Variants in MTR observed in about 807,000 individuals in gnomAD.
MTR encodes 5-methyltetrahydrofolate-homocysteine methyltransferase.
Under a neutral mutation model 154.8 loss-of-function variants are expected in MTR, and 84 were observed. The observed-to-expected ratio is 0.54, with a 90% CI of 0.45 to 0.65. MTR has a LOEUF of 0.65. Ranked by LOEUF, MTR falls within the 30% of genes least tolerant of loss-of-function variation. The pLI, the probability that MTR is intolerant of heterozygous loss-of-function variation, is 0.00. For missense variants in MTR, 1,275 were observed against 1,570.2 expected, an observed-to-expected ratio of 0.81 and a Z score of 3.18; for synonymous variants, 554 against 553.9, an observed-to-expected ratio of 1.00 and a Z score of 0.00.
At chr1:236,853,316 A>G (rs1055722393) in intron 18 of MTR, among the ~76,000 whole-genome samples, 1 of 152,184 alleles carries the variant, frequency 6.6e-6, no homozygotes, top group Non-Finnish European at 1.5e-5. Context: ...GTTTCTTTAA[A>G]TTTATTGTAA....
intron 11 of MTR, among the ~76,000 whole-genome samples, 185 bp downstream of exon 11, chr1:236,827,081 T>TA (rs1033133873): frequency 4.6e-5 from 7 of 152,138 alleles, no homozygotes; most frequent in Non-Finnish European, 8.8e-5. Context: ...GCGACTAAGG[T>TA]AAAATGTCAT....
intron 23 of MTR, among the ~76,000 whole-genome samples, chr1:236,874,136 G>A (rs185554677): frequency 5.3e-5 from 8 of 152,190 alleles, no homozygotes; most frequent in Non-Finnish European, 1.2e-4. Context: ...ATTCAAGTCC[G>A]GGAAATCATG....
chr1:236,903,358 A>C lies in MTR; in HGVS notation c.*5714A>C, dbSNP rs1667003420. ...TGCTATTTTGACTAGTCTGAGTGAAAAGTGAGGATTTAAATGAAGTAACCC... is the reference window on the plus strand; with the variant it reads ...TGCTATTTTGACTAGTCTGAGTGAACAGTGAGGATTTAAATGAAGTAACCC... On this transcript the variant is annotated 3_prime_UTR_variant, in exon 33 of 33. Transcript: ENST00000366577. The C allele has an allele frequency of 6.6e-6, 1 of 152,194 alleles. No individual in the cohort carries two copies. Among genetic ancestry groups the C allele is most frequent in the Non-Finnish European group, 1.5e-5 (1 of 68,032 alleles). The allele number at this position is 152,194 out of a possible 1,614,324, so 9.4% of individuals were successfully genotyped here.
Position 236,895,566 on chromosome 1 carries a change from C to T in MTR, c.3598+16C>T. 6.4e-7 allele frequency: 1 copy of T among 1,555,836 alleles called. No individual in the cohort carries two copies. The highest frequency in any genetic ancestry group is 8.7e-7 in the Non-Finnish European group (1 of 1,149,196). On this transcript the variant is annotated intron_variant, in intron 31 of 32. Transcript: ENST00000366577. ...CAGTCTACAGGTAGGAGCCAGGAGG[C>T]TGCGGGTTCCTGTCTTCCTTCTTCA...
chr1:236,827,472 T>TC (rs796399287), intron 11 of MTR, among the ~76,000 whole-genome samples: 104 of 152,272 alleles, frequency 6.8e-4, no homozygotes, highest in African/African-American at 2.3e-3. Flanking sequence ...CCTCAACTTT[T>TC]CCCCCTGGAT....
chr1:236,798,689 A>G (rs149072621), intron 1 of MTR, among the ~76,000 whole-genome samples: 97 of 152,332 alleles, frequency 6.4e-4, no homozygotes, highest in African/African-American at 1.9e-3. Context: ...CTGCAAAACT[A>G]TATTCTTATA....
chr1:236,829,418 A>G, intron 12 of MTR, 150 bp downstream of exon 12: 1 of 760,996 alleles, frequency 1.3e-6, no homozygotes, highest in South Asian at 1.4e-5. Context: ...ATTCTAGTGA[A>G]GAACCCTTTG....
chr1:236,899,819 G>A lies in MTR; in HGVS notation c.*2175G>A, dbSNP rs1666841925. On this transcript the variant is annotated 3_prime_UTR_variant, in exon 33 of 33. Transcript: ENST00000366577. ...GTGAAGACTACACAAGAGGAAATAG[G>A]GCTTTTAAATAAATAGATGTTCTGT... 2 of 152,262 alleles carry A rather than the reference G, an allele frequency of 1.3e-5. No individual in the cohort carries two copies. Among genetic ancestry groups the A allele is most frequent in the South Asian group, 4.1e-4 (2 of 4,822 alleles). 9.4% of individuals were successfully genotyped at this position (152,262 alleles called of 1,614,324 possible).
intron 13 of MTR, among the ~76,000 whole-genome samples, chr1:236,832,731 C>T (rs575007280): frequency 6.6e-6 from 1 of 152,122 alleles, no homozygotes; most frequent in Non-Finnish European, 1.5e-5. Context: ...TCCAACTTTC[C>T]TCACTTTTTT....
intron 4 of MTR, among the ~76,000 whole-genome samples, chr1:236,809,567 A>G (rs1661184905): frequency 6.6e-6 from 1 of 152,226 alleles, no homozygotes; most frequent in Admixed American, 6.5e-5. Context: ...TGCATAGACT[A>G]TTACTCCAAC....
intron 8 of MTR, among the ~76,000 whole-genome samples, chr1:236,822,864 C>T (rs1662050142): frequency 6.6e-6 from 1 of 152,102 alleles, no homozygotes; most frequent in African/African-American, 2.4e-5. Context: ...ACTTCAAATA[C>T]AATATTGAAT....
intron 1 of MTR, among the ~76,000 whole-genome samples, chr1:236,799,791 G>GT (rs944205554): frequency 2.3e-4 from 34 of 149,410 alleles, no homozygotes; most frequent in Non-Finnish European, 3.3e-4. Flanking sequence ...AATTCATTGT[G>GT]TTTTTTTTTT....
chr1:236,853,811 T>G (rs1173545357), intron 18 of MTR, among the ~76,000 whole-genome samples: 2 of 152,180 alleles, frequency 1.3e-5, no homozygotes, highest in African/African-American at 4.8e-5. Context: ...GTGTAAAAAA[T>G]GAGTATAATT....
At chr1:236,833,249 C>G (rs1662716729) in intron 13 of MTR, among the ~76,000 whole-genome samples, 1 of 152,148 alleles carries the variant, frequency 6.6e-6, no homozygotes, top group Non-Finnish European at 1.5e-5. Flanking sequence ...TTATGTTTTG[C>G]TTCTTATGCC....
In MTR at chr1:236,815,618, A is replaced by T; in HGVS notation, c.624A>T (p.Ala208=). 1.9e-6 allele frequency: 3 copies of T among 1,613,886 alleles called. No individual in the cohort carries two copies. Among genetic ancestry groups the T allele is most frequent in the Non-Finnish European group, 2.5e-6 (3 of 1,179,884 alleles). ...DTANAKAALF[A]LQNLFEEKYA... ...TTCCCTGACAGGCAGCCTTGTTTGC[A>T]CTCCAAAATCTTTTTGAGGAGAAAT... Residue 208 remains alanine, a synonymous_variant, in exon 7 of 33, where the codon GCA becomes GCT. Coordinates refer to ENST00000366577, the MANE Select transcript of MTR (RefSeq NM_000254.3).
At chr1:236,894,634 C>A in intron 30 of MTR, 77 bp downstream of exon 30, 3 of 1,443,922 alleles carry the variant, frequency 2.1e-6, no homozygotes, top group Non-Finnish European at 2.9e-6. Context: ...TGCCTGAAGA[C>A]TGATCAGCCC....
At chr1:236,813,753 C>T (rs147187627) in intron 6 of MTR, among the ~76,000 whole-genome samples, 16 of 152,216 alleles carry the variant, frequency 1.1e-4, no homozygotes, top group African/African-American at 3.9e-4. Flanking sequence ...GGAAATCAGG[C>T]CCCTCTCAAT....
At position 236,903,487 on chromosome 1, in the gene MTR, C is replaced by T. The variant is rs1169120640; in HGVS notation, c.*5843C>T. The stretch of plus-strand genomic sequence containing the variant: ...TTCAAAGATGCCTTTTGCCTCATCC[C>T]TTGCTTTTAAGTATTATTATAGACT... On this transcript the variant is annotated 3_prime_UTR_variant, in exon 33 of 33. Coordinates refer to ENST00000366577, the MANE Select transcript of MTR (RefSeq NM_000254.3). The T allele has an allele frequency of 6.6e-6, 1 of 152,176 alleles. No homozygotes were observed. The highest frequency in any genetic ancestry group is 1.9e-4 in the East Asian group (1 of 5,188). The allele number at this position is 152,176 out of a possible 1,614,324, so 9.4% of individuals were successfully genotyped here. A position where few individuals can be genotyped will look rare whatever the true frequency, so the allele number is the denominator to read the frequency against.
intron 25 of MTR, among the ~76,000 whole-genome samples, chr1:236,883,412 C>T (rs1014146210): frequency 2.6e-5 from 4 of 152,148 alleles, no homozygotes; most frequent in Non-Finnish European, 5.9e-5. Context: ...TGCCAGCAAA[C>T]TGCAGCGGTA....
Sources: allele counts gnomAD v4.1 joint callset (sites outside exome capture counted in the v4.1 genomes callset), GRCh38; gene constraint gnomAD v4.1.1; transcripts MANE v1.5; gene names NCBI Gene and HGNC (gene_info 2026-07-23, HGNC 2026-07-21).